Variants in JAZF1 observed in about 807,000 individuals in gnomAD.
JAZF1 encodes the protein juxtaposed with another zinc finger protein 1.
A neutral mutation model predicts 26.4 loss-of-function variants in JAZF1; 8 were observed. The ratio of observed to expected loss-of-function variants is 0.30; its 90% CI spans 0.18 to 0.55. JAZF1 has a LOEUF of 0.55. JAZF1 is among the 20% of genes least tolerant of loss of function. JAZF1 has a pLI of 0.94. For missense variants in JAZF1, 199 were observed against 322.0 expected (o/e 0.62, Z 2.92); for synonymous variants, 126 against 122.3 (o/e 1.03, Z -0.20).
intron 1 of JAZF1, among the ~76,000 whole-genome samples, chr7:28,085,571 G>A (rs979267534): frequency 2.0e-5 from 3 of 152,030 alleles, no homozygotes; most frequent in Non-Finnish European, 2.9e-5. Flanking sequence ...TCATCCCCCC[G>A]TGATTTTTTA....
At chr7:27,906,182 C>A (rs752914170) in intron 2 of JAZF1, among the ~76,000 whole-genome samples, 8 of 152,146 alleles carry the variant, frequency 5.3e-5, no homozygotes, top group Non-Finnish European at 1.2e-4. Context: ...TTTCCAAGAG[C>A]TGGGAGGTGG....
chr7:27,924,308 C>A (rs1214310204), intron 2 of JAZF1, among the ~76,000 whole-genome samples: 1 of 152,162 alleles, frequency 6.6e-6, no homozygotes, highest in African/African-American at 2.4e-5. Flanking sequence ...GAACTCCTGA[C>A]CTCATGATCC....
intron 1 of JAZF1, among the ~76,000 whole-genome samples, chr7:28,134,354 G>T (rs921320641): frequency 5.9e-5 from 9 of 152,226 alleles, no homozygotes; most frequent in African/African-American, 2.2e-4. Flanking sequence ...AGGCTGGAGT[G>T]GAGTGGCACA....
intron 3 of JAZF1, among the ~76,000 whole-genome samples, chr7:27,879,584 T>C (rs1270126215): frequency 6.6e-6 from 1 of 152,164 alleles, no homozygotes; most frequent in African/African-American, 2.4e-5. Flanking sequence ...TTCAACACAA[T>C]AATGGTCTAA....
intron 1 of JAZF1, among the ~76,000 whole-genome samples, chr7:28,151,954 T>A (rs1783117557): frequency 6.6e-6 from 1 of 152,238 alleles, no homozygotes; most frequent in African/African-American, 2.4e-5. Flanking sequence ...ATATACTTAA[T>A]AATTATTTTT....
intron 1 of JAZF1, among the ~76,000 whole-genome samples, chr7:28,176,558 C>T (rs1783554394): frequency 6.6e-6 from 1 of 152,222 alleles, no homozygotes; most frequent in Non-Finnish European, 1.5e-5. Context: ...CACCTCCCAA[C>T]ATACTGTGTA....
intron 2 of JAZF1, among the ~76,000 whole-genome samples, chr7:27,964,164 T>C (rs1785233738): frequency 6.6e-6 from 1 of 152,184 alleles, no homozygotes. Flanking sequence ...AATTGGAAAC[T>C]CACTGGTAAA....
At chr7:28,105,350 T>C (rs1273038543) in intron 1 of JAZF1, among the ~76,000 whole-genome samples, 1 of 152,134 alleles carries the variant, frequency 6.6e-6, no homozygotes, top group Non-Finnish European at 1.5e-5. Context: ...AAACTAACAT[T>C]TAGTTACCGC....
At chr7:28,127,594 A>G (rs1375618932) in intron 1 of JAZF1, among the ~76,000 whole-genome samples, 1 of 152,214 alleles carries the variant, frequency 6.6e-6, no homozygotes, top group Non-Finnish European at 1.5e-5. Context: ...TGAAAAGCAG[A>G]GATAAATGTC....
chr7:27,943,337 G>A (rs1261096353), intron 2 of JAZF1, among the ~76,000 whole-genome samples: 2 of 152,158 alleles, frequency 1.3e-5, no homozygotes, highest in East Asian at 1.9e-4. Context: ...TAAGGCTCAG[G>A]GTCGTGGGAA....
At chr7:27,914,534 C>G (rs1352608914) in intron 2 of JAZF1, among the ~76,000 whole-genome samples, 1 of 152,134 alleles carries the variant, frequency 6.6e-6, no homozygotes, top group East Asian at 1.9e-4. Flanking sequence ...CCTTTTGTTG[C>G]CTGACTGCAT....
intron 1 of JAZF1, among the ~76,000 whole-genome samples, chr7:27,999,713 AAAT>A (rs761759495): frequency 6.6e-6 from 1 of 152,220 alleles, no homozygotes; most frequent in Non-Finnish European, 1.5e-5. Flanking sequence ...AGTGTTCTGT[AAAT>A]AATCAGTGTC....
intron 3 of JAZF1, among the ~76,000 whole-genome samples, chr7:27,845,001 C>T (rs35231440): frequency 0.076 from 11,507 of 152,230 alleles, 571 homozygotes; most frequent in South Asian, 0.12. Flanking sequence ...CCGGGTGCCC[C>T]GCCAGGAGAC....
At chr7:27,982,214 G>C (rs938420549) in intron 2 of JAZF1, among the ~76,000 whole-genome samples, 4 of 152,178 alleles carry the variant, frequency 2.6e-5, no homozygotes, top group African/African-American at 9.7e-5. Context: ...GGGAAGCCAT[G>C]ACAGATGGTA....
intron 2 of JAZF1, among the ~76,000 whole-genome samples, chr7:27,925,539 G>A (rs113836936): frequency 9.7e-4 from 148 of 152,146 alleles, no homozygotes; most frequent in Admixed American, 4.5e-3. Flanking sequence ...CTCCCACCTC[G>A]TCCTCACAAG....
intron 1 of JAZF1, among the ~76,000 whole-genome samples, chr7:28,064,973 T>C (rs772361412): frequency 6.6e-6 from 1 of 152,338 alleles, no homozygotes; most frequent in Non-Finnish European, 1.5e-5. Flanking sequence ...AGGGCATTTG[T>C]AGATCCTGAG....
At chr7:28,006,733 T>C (rs570360209) in intron 1 of JAZF1, among the ~76,000 whole-genome samples, 3 of 152,312 alleles carry the variant, frequency 2.0e-5, no homozygotes, top group African/African-American at 7.2e-5. Context: ...CTTCAAAGTA[T>C]GTGCTATTTG....
At chr7:27,846,301 T>G (rs1036567859) in intron 3 of JAZF1, among the ~76,000 whole-genome samples, 3 of 151,912 alleles carry the variant, frequency 2.0e-5, no homozygotes, top group African/African-American at 7.3e-5. Flanking sequence ...TAAGGCTGAA[T>G]AGTATTCCAT....
intron 1 of JAZF1, among the ~76,000 whole-genome samples, chr7:28,116,996 G>A (rs1473006575): frequency 6.6e-6 from 1 of 152,042 alleles, no homozygotes; most frequent in African/African-American, 2.4e-5. Flanking sequence ...GCTAATTTTT[G>A]CATTTTTAGT....
Sources: gnomAD v4.1 joint callset for allele counts (sites outside exome capture counted in the v4.1 genomes callset) on GRCh38, gnomAD v4.1.1 for gene constraint, MANE v1.5 for transcripts, NCBI Gene and HGNC (gene_info 2026-07-23, HGNC 2026-07-21) for gene names.